MS4A18: variants seen among roughly 807,000 people sequenced by gnomAD.
The protein encoded by MS4A18 is membrane-spanning 4-domains subfamily A member 18.
MS4A18 carries 27 observed loss-of-function variants against 13.1 expected under a neutral mutation model. The ratio of observed to expected loss-of-function variants is 2.06; its 90% CI spans 1.52 to 2.84. MS4A18 has a LOEUF of 2.84. Among genes scored for constraint, MS4A18 ranks in the 30% most tolerant of loss-of-function variants. MS4A18 has a pLI of 0.00. For synonymous variants in MS4A18, 126 were observed against 76.5 expected (o/e 1.65, Z -3.38); for missense variants, 307 against 196.4 (o/e 1.56, Z -3.37).
rs551022075 is a variant in MS4A18 at position 60,741,979 on chromosome 11, T to G, written c.858+836T>G. Among the ~76,000 whole-genome samples the G allele has an allele frequency of 6.7e-4, 102 of 152,332 alleles. 2 individuals are homozygous for G. Among genetic ancestry groups the G allele is most frequent in the African/African-American group, 2.4e-3 (100 of 41,568 alleles). Reference sequence around the variant, plus strand: ...TGAGAGAAAAATAGGATAAATAGAATTCTGTTATTTCCCCATTCAATAAAG... The same window carrying G: ...TGAGAGAAAAATAGGATAAATAGAAGTCTGTTATTTCCCCATTCAATAAAG... On this transcript the variant is annotated intron_variant, in intron 5 of 5. Coordinates refer to ENST00000529108, the Ensembl canonical transcript of MS4A18.
At chr11:60,733,267 T>G (rs1853283899) in intron 1 of MS4A18, among the ~76,000 whole-genome samples, 1 of 152,222 alleles carries the variant, frequency 6.6e-6, no homozygotes, top group African/African-American at 2.4e-5. Flanking sequence ...GGGAACACAT[T>G]TCTTGCTCTG....
At chr11:60,737,524 C>A (rs1175324408) in intron 3 of MS4A18, among the ~76,000 whole-genome samples, 1 of 152,178 alleles carries the variant, frequency 6.6e-6, no homozygotes, top group Non-Finnish European at 1.5e-5. Flanking sequence ...AAAGTGAGAG[C>A]AATACCTGCC....
At chr11:60,734,009 C>T (rs1046223655) in intron 2 of MS4A18, among the ~76,000 whole-genome samples, 15 of 152,018 alleles carry the variant, frequency 9.9e-5, no homozygotes, top group African/African-American at 4.8e-5. Context: ...TTTGGGAGGC[C>T]GAGGTAGGTG....
chr11:60,735,402 C>T (rs1436396992), intron 2 of MS4A18, among the ~76,000 whole-genome samples: 2 of 148,776 alleles, frequency 1.3e-5, no homozygotes, highest in African/African-American at 5.0e-5. Context: ...GGCGCCATCT[C>T]GGCTCACTGC....
At chr11:60,738,271 A>T (rs905313847) in intron 3 of MS4A18, among the ~76,000 whole-genome samples, 3 of 152,014 alleles carry the variant, frequency 2.0e-5, no homozygotes, top group African/African-American at 7.3e-5. Context: ...TGAGCGGCAG[A>T]CCCCTCAAAG....
intron 4 of MS4A18, among the ~76,000 whole-genome samples, chr11:60,740,550 G>C (rs868814374): frequency 2.6e-5 from 4 of 152,238 alleles, no homozygotes; most frequent in Non-Finnish European, 5.9e-5. Flanking sequence ...AAGTAGCCCA[G>C]ACCCTCATAC....
chr11:60,733,050 G>A (rs1041984833), intron 1 of MS4A18, among the ~76,000 whole-genome samples: 1 of 152,212 alleles, frequency 6.6e-6, no homozygotes, highest in Admixed American at 6.5e-5. Flanking sequence ...ATCTGAGAAC[G>A]ATGTTAACAT....
chr11:60,729,189 T>C, upstream of MS4A18: 1 of 611,774 alleles, frequency 1.6e-6, no homozygotes, highest in South Asian at 2.0e-5. Context: ...TTTTGTCTGG[T>C]ACCATGCTAG....
At chr11:60,730,400 G>GT (rs368228473) in intron 1 of MS4A18, among the ~76,000 whole-genome samples, 18 of 152,196 alleles carry the variant, frequency 1.2e-4, no homozygotes, top group African/African-American at 3.9e-4. Flanking sequence ...GGAGACTGGC[G>GT]TGTCACAGAT....
chr11:60,731,537 C>T (rs1257118755), intron 1 of MS4A18, among the ~76,000 whole-genome samples: 1 of 152,192 alleles, frequency 6.6e-6, no homozygotes, highest in African/African-American at 2.4e-5. Flanking sequence ...CCAATGTCTC[C>T]CTTTTATTAT....
At chr11:60,738,162 T>G (rs992685077) in intron 3 of MS4A18, among the ~76,000 whole-genome samples, 29 of 152,226 alleles carry the variant, frequency 1.9e-4, no homozygotes, top group Admixed American at 1.9e-3. Context: ...TCCCTTTCTC[T>G]TTCACCTTTC....
chr11:60,730,414 C>T (rs1853237227), intron 1 of MS4A18, among the ~76,000 whole-genome samples: 1 of 152,200 alleles, frequency 6.6e-6, no homozygotes, highest in Non-Finnish European at 1.5e-5. Context: ...CACAGATGCC[C>T]ATACTCTATG....
rs116795855 is a variant in MS4A18 at position 60,743,638 on chromosome 11, T to C, written c.859-12T>C. ...AGAGGAAGATGACGACCACATGTCC[T>C]TTGTCTTTCAGAATGTGGCAGTGAT... On this transcript the variant is annotated splice_polypyrimidine_tract_variant and intron_variant, in intron 5 of 5. Transcript: ENST00000529108. The C allele has an allele frequency of 1.2e-3, 829 of 701,474 alleles. 8 individuals carry two copies. In the African/African-American group the frequency reaches 0.014, roughly 11 times the overall value. 43.5% of individuals were successfully genotyped at this position (701,474 alleles called of 1,614,324 possible).
chr11:60,732,752 A>G (rs975203262), intron 1 of MS4A18, among the ~76,000 whole-genome samples: 1 of 148,458 alleles, frequency 6.7e-6, no homozygotes, highest in Non-Finnish European at 1.5e-5. Context: ...AAAAAAAAAA[A>G]GAAACACCTA....
chr11:60,729,336 A>G (rs1853213998), exon 1 of MS4A18: 1 of 702,596 alleles, frequency 1.4e-6, no homozygotes, highest in African/African-American at 1.7e-5. Flanking sequence ...AGGTGATTGG[A>G]GCCAACAGTG....
At chr11:60,729,403 G>A in exon 1 of MS4A18, 1 of 702,774 alleles carries the variant, frequency 1.4e-6, no homozygotes, top group Non-Finnish European at 2.6e-6. Context: ...CAACCCTGTG[G>A]CCTCTGGAAA....
intron 4 of MS4A18, among the ~76,000 whole-genome samples, chr11:60,740,023 A>T (rs1324555726): frequency 6.6e-6 from 1 of 152,200 alleles, no homozygotes; most frequent in South Asian, 2.1e-4. Flanking sequence ...ACAGGGTGTA[A>T]CTTGGTATCT....
At chr11:60,741,808 G>C (rs1228078509) in intron 5 of MS4A18, among the ~76,000 whole-genome samples, 3 of 152,214 alleles carry the variant, frequency 2.0e-5, no homozygotes, top group Admixed American at 6.5e-5. Flanking sequence ...ATGCCCAAAT[G>C]TCCCATCTAA....
upstream of MS4A18, among the ~76,000 whole-genome samples, chr11:60,728,313 C>T (rs999427519): frequency 1.3e-5 from 2 of 152,128 alleles, no homozygotes; most frequent in Admixed American, 1.3e-4. Flanking sequence ...ACTTCAAGGA[C>T]AGAAGTACAG....
Sources: gnomAD v4.1 joint callset for allele counts (sites outside exome capture counted in the v4.1 genomes callset) on GRCh38, gnomAD v4.1.1 for gene constraint, MANE v1.5 for transcripts, NCBI Gene and HGNC (gene_info 2026-07-23, HGNC 2026-07-21) for gene names.